The following PTPRD variants were observed in gnomAD, a reference collection of about 807,000 sequenced individuals.
PTPRD encodes the protein protein tyrosine phosphatase receptor type D.
PTPRD carries 34 observed loss-of-function variants against 214.5 expected under a neutral mutation model. The ratio of observed to expected loss-of-function variants is 0.16; its 90% CI spans 0.12 to 0.21. PTPRD has a LOEUF of 0.21. Among genes scored for constraint, PTPRD ranks in the 10% least tolerant of loss-of-function variants. The pLI, the probability that PTPRD is intolerant of heterozygous loss-of-function variation, is 1.00. For synonymous variants in PTPRD, 1,128 were observed against 845.7 expected, an observed-to-expected ratio of 1.33 and a Z score of -5.79; for missense variants, 2,545 against 2,398.7, an observed-to-expected ratio of 1.06 and a Z score of -1.27.
At chr9:8,361,332 C>G (rs10976994) in intron 39 of PTPRD, among the ~76,000 whole-genome samples, 10,080 of 152,148 alleles carry the variant, frequency 0.066, 437 homozygotes, top group Middle Eastern at 0.11. Flanking sequence ...AGTAAAGGTG[C>G]TGAGTGAAAA....
intron 11 of PTPRD, among the ~76,000 whole-genome samples, chr9:8,842,454 T>C (rs1392063393): frequency 6.6e-6 from 1 of 152,218 alleles, no homozygotes; most frequent in African/African-American, 2.4e-5. Context: ...TACAACTGTA[T>C]TAGAGCAGTA....
At chr9:8,995,470 G>A (rs117027429) in intron 11 of PTPRD, among the ~76,000 whole-genome samples, 2,125 of 152,072 alleles carry the variant, frequency 0.014, 26 homozygotes, top group Middle Eastern at 0.034. Flanking sequence ...TTCTTATGGA[G>A]GTGTTTGAAA....
chr9:8,565,478 G>A (rs953963311), intron 14 of PTPRD, among the ~76,000 whole-genome samples: 1 of 152,142 alleles, frequency 6.6e-6, no homozygotes, highest in Non-Finnish European at 1.5e-5. Context: ...TAATTCCTAT[G>A]CATGAGTAGT....
intron 10 of PTPRD, among the ~76,000 whole-genome samples, chr9:9,046,380 T>C (rs539820011): frequency 3.9e-4 from 59 of 152,314 alleles, no homozygotes; most frequent in Admixed American, 3.1e-3. Context: ...GGATGCTCAA[T>C]TGTTTTTATA....
intron 11 of PTPRD, among the ~76,000 whole-genome samples, chr9:8,783,372 T>C (rs1209888268): frequency 6.6e-6 from 1 of 152,254 alleles, no homozygotes; most frequent in East Asian, 1.9e-4. Context: ...TGGTGTTTCC[T>C]ACTCAAATTC....
intron 39 of PTPRD, among the ~76,000 whole-genome samples, chr9:8,362,060 A>G (rs2078641061): frequency 6.6e-6 from 1 of 152,252 alleles, no homozygotes; most frequent in South Asian, 2.1e-4. Flanking sequence ...AGGTATGTAG[A>G]CCACCTTGGG....
chr9:9,442,483 G>C (rs566298535), intron 8 of PTPRD: 1 of 152,298 alleles, frequency 6.6e-6, no homozygotes, highest in South Asian at 2.1e-4. Flanking sequence ...TTACAGCTCT[G>C]AATTTGTGAT....
At chr9:9,349,958 G>A (rs1049116598) in intron 9 of PTPRD, among the ~76,000 whole-genome samples, 8 of 152,038 alleles carry the variant, frequency 5.3e-5, no homozygotes, top group Non-Finnish European at 1.0e-4. Flanking sequence ...ATCCTGAAAT[G>A]TAGGCTATCC....
chr9:9,679,768 A>G (rs2097025735), intron 7 of PTPRD, among the ~76,000 whole-genome samples: 1 of 151,928 alleles, frequency 6.6e-6, no homozygotes, highest in Non-Finnish European at 1.5e-5. Flanking sequence ...TGATTTGCCA[A>G]TGCAATTGCA....
At chr9:9,118,854 A>G (rs1380224328) in intron 10 of PTPRD, among the ~76,000 whole-genome samples, 2 of 152,170 alleles carry the variant, frequency 1.3e-5, no homozygotes, top group East Asian at 1.9e-4. Context: ...TTATTTTTTA[A>G]CAGAATAGAA....
chr9:8,759,168 T>A (rs1040572442), intron 11 of PTPRD, among the ~76,000 whole-genome samples: 2 of 152,056 alleles, frequency 1.3e-5, no homozygotes, highest in African/African-American at 2.4e-5. Flanking sequence ...GTAGCTAGGA[T>A]GACAGACACG....
chr9:9,770,918 G>C (rs55785606), intron 5 of PTPRD, among the ~76,000 whole-genome samples: 5,665 of 152,132 alleles, frequency 0.037, 175 homozygotes, highest in Non-Finnish European at 0.059. Context: ...TCTATATTTA[G>C]AGCCTACTTG....
At chr9:8,411,692 C>T (rs1485932310) in intron 35 of PTPRD, among the ~76,000 whole-genome samples, 3 of 152,126 alleles carry the variant, frequency 2.0e-5, no homozygotes, top group East Asian at 1.9e-4. Context: ...AGACAATGTG[C>T]TAGAGGAATA....
At chr9:8,823,404 T>A (rs1048635336) in intron 11 of PTPRD, among the ~76,000 whole-genome samples, 2 of 152,092 alleles carry the variant, frequency 1.3e-5, no homozygotes, top group Non-Finnish European at 2.9e-5. Flanking sequence ...CCTTGCATGC[T>A]TCATGGAAAC....
At chr9:9,634,282 T>C (rs555122148) in intron 7 of PTPRD, among the ~76,000 whole-genome samples, 2 of 152,306 alleles carry the variant, frequency 1.3e-5, no homozygotes, top group East Asian at 3.9e-4. Flanking sequence ...ATGTGGAGTC[T>C]GGTAAATAAT....
chr9:8,597,763 G>T (rs2094552750), intron 14 of PTPRD, among the ~76,000 whole-genome samples: 1 of 152,014 alleles, frequency 6.6e-6, no homozygotes, highest in South Asian at 2.1e-4. Flanking sequence ...TACTTATGTG[G>T]CTTGGCATTC....
At chr9:9,004,745 C>A (rs2099449613) in intron 11 of PTPRD, among the ~76,000 whole-genome samples, 1 of 151,988 alleles carries the variant, frequency 6.6e-6, no homozygotes, top group Admixed American at 6.6e-5. Flanking sequence ...ATCAAACCTC[C>A]CCTAGAGCCC....
intron 7 of PTPRD, among the ~76,000 whole-genome samples, chr9:9,670,628 G>C (rs1472692203): frequency 6.6e-6 from 1 of 152,194 alleles, no homozygotes; most frequent in Admixed American, 6.5e-5. Flanking sequence ...CTGGTGCTGT[G>C]TGCAGCTTAG....
intron 11 of PTPRD, among the ~76,000 whole-genome samples, chr9:8,766,166 C>G (rs1463689451): frequency 6.6e-6 from 1 of 151,084 alleles, no homozygotes; most frequent in Non-Finnish European, 1.5e-5. Context: ...TGGTTCAACC[C>G]CATTTCGTTT....
Sources: gnomAD v4.1 joint callset for allele counts (sites outside exome capture counted in the v4.1 genomes callset) on GRCh38, gnomAD v4.1.1 for gene constraint, MANE v1.5 for transcripts, NCBI Gene and HGNC (gene_info 2026-07-23, HGNC 2026-07-21) for gene names.